Variants in ZNF600 observed in about 807,000 individuals in gnomAD.
ZNF600 encodes zinc finger protein 600.
In ZNF600, 4 loss-of-function variants were observed where a neutral mutation model predicts 7.3. The ratio of observed to expected loss-of-function variants is 0.55; its 90% CI spans 0.27 to 1.25. ZNF600 has a LOEUF of 1.25. Among genes scored for constraint, ZNF600 ranks in the 50% most tolerant of loss-of-function variants. ZNF600 has a pLI of 0.12. For synonymous variants in ZNF600, 290 were observed against 308.9 expected, an observed-to-expected ratio of 0.94 and a Z score of 0.64; for missense variants, 911 against 922.1, an observed-to-expected ratio of 0.99 and a Z score of 0.16.
intron 3 of ZNF600, among the ~76,000 whole-genome samples, chr19:52,773,132 C>T: frequency 6.6e-6 from 1 of 151,872 alleles, no homozygotes; most frequent in Non-Finnish European, 1.5e-5. Flanking sequence ...TGAGGCAAGG[C>T]CAGGAAAGGA....
chr19:52,821,278 C>G, the ZNF600 span, among the ~76,000 whole-genome samples: 1 of 152,102 alleles, frequency 6.6e-6, no homozygotes, highest in Non-Finnish European at 1.5e-5. Flanking sequence ...TGGGAATACA[C>G]CTCTAGGGTG....
chr19:52,786,759 G>T, exon 1 of ZNF600: 1 of 346,854 alleles, frequency 2.9e-6, no homozygotes, highest in Non-Finnish European at 5.9e-6. Context: ...CACTCCACGC[G>T]ATCCGCTTCC....
At chr19:52,764,836 T>C (rs1409216968) in exon 4 of ZNF600, 1 of 168,888 alleles carries the variant, frequency 5.9e-6, no homozygotes, top group Admixed American at 5.8e-5. Flanking sequence ...TTTTATAAAG[T>C]ACTATATCAA....
chr19:52,793,931 T>G, the ZNF600 span, among the ~76,000 whole-genome samples: 1 of 152,216 alleles, frequency 6.6e-6, no homozygotes, highest in Non-Finnish European at 1.5e-5. Flanking sequence ...AAAAACATGC[T>G]GTCAAGTTTG....
At chr19:52,797,596 C>T in the ZNF600 span, 1 of 152,948 alleles carries the variant, frequency 6.5e-6, no homozygotes, top group Non-Finnish European at 1.5e-5. Flanking sequence ...AAATTAAAAA[C>T]CACTTCCATT....
the ZNF600 span, among the ~76,000 whole-genome samples, chr19:52,815,779 T>C: frequency 2.7e-5 from 4 of 145,766 alleles, no homozygotes; most frequent in Non-Finnish European, 4.4e-5. Context: ...GAGCCGAGAT[T>C]GCACCACTGC....
the ZNF600 span, among the ~76,000 whole-genome samples, chr19:52,793,995 A>T: frequency 6.6e-6 from 1 of 152,154 alleles, no homozygotes; most frequent in African/African-American, 2.4e-5. Flanking sequence ...TAGGACTGCA[A>T]GGGAATGTGT....
At chr19:52,811,562 G>T in the ZNF600 span, among the ~76,000 whole-genome samples, 2 of 148,392 alleles carry the variant, frequency 1.3e-5, no homozygotes, top group African/African-American at 5.1e-5. Flanking sequence ...TGGGATGTGA[G>T]GAGCGCCTCT....
chr19:52,774,485 G>A, intron 3 of ZNF600, 90 bp downstream of exon 5: 12 of 981,822 alleles, frequency 1.2e-5, no homozygotes, highest in Non-Finnish European at 1.4e-5. Context: ...CCATGCATGG[G>A]GCAAAATCAC....
At chr19:52,831,383 C>T in the ZNF600 span, among the ~76,000 whole-genome samples, 4 of 151,336 alleles carry the variant, frequency 2.6e-5, no homozygotes, top group Admixed American at 2.6e-4. Flanking sequence ...GATCTCGGCT[C>T]ACTGCAACCC....
the ZNF600 span, among the ~76,000 whole-genome samples, chr19:52,816,784 T>G: frequency 0.038 from 5,702 of 151,434 alleles, 144 homozygotes; most frequent in Middle Eastern, 0.068. Context: ...TAAGCTGAGA[T>G]CATGCCACTG....
chr19:52,832,213 CA>C, the ZNF600 span, among the ~76,000 whole-genome samples: 1 of 151,746 alleles, frequency 6.6e-6, no homozygotes, highest in Non-Finnish European at 1.5e-5. Context: ...ACTGAACTAA[CA>C]AAAAAATAAG....
At chr19:52,767,843 T>C in intron 3 of ZNF600, 71 bp from the exon 6 acceptor site, 1 of 1,470,736 alleles carries the variant, frequency 6.8e-7, no homozygotes, top group African/African-American at 1.4e-5. Flanking sequence ...TGTGTAAATA[T>C]GACACAAAAA....
At chr19:52,820,159 G>C in the ZNF600 span, among the ~76,000 whole-genome samples, 1 of 99,602 alleles carries the variant, frequency 1.0e-5, no homozygotes, top group Non-Finnish European at 2.0e-5. Context: ...CGTCCAGGCC[G>C]GACTGCGGAC....
chr19:52,807,890 T>C, the ZNF600 span: 1 of 1,510,630 alleles, frequency 6.6e-7, no homozygotes, highest in Non-Finnish European at 9.0e-7. Flanking sequence ...TCATGAAGCT[T>C]TTCATTTCAA....
At chr19:52,794,765 G>A in the ZNF600 span, among the ~76,000 whole-genome samples, 1 of 152,090 alleles carries the variant, frequency 6.6e-6, no homozygotes, top group Admixed American at 6.6e-5. Flanking sequence ...GGACTGGGGT[G>A]GATCACTGGG....
chr19:52,827,520 A>G, the ZNF600 span, among the ~76,000 whole-genome samples: 1 of 151,932 alleles, frequency 6.6e-6, no homozygotes, highest in African/African-American at 2.4e-5. Flanking sequence ...GCCCTTCCCA[A>G]GACCATGCCC....
At chr19:52,801,162 G>T in the ZNF600 span, 1 of 1,613,956 alleles carries the variant, frequency 6.2e-7, no homozygotes, top group Non-Finnish European at 8.5e-7. Flanking sequence ...TTTTAAAAGT[G>T]AGCTACAATT....
At chr19:52,805,437 A>C in the ZNF600 span, 1 of 151,682 alleles carries the variant, frequency 6.6e-6, no homozygotes, top group South Asian at 2.1e-4. Flanking sequence ...ATCCTGGCCA[A>C]CCAACATGGT....
Sources: allele counts gnomAD v4.1 joint callset (sites outside exome capture counted in the v4.1 genomes callset), GRCh38; gene constraint gnomAD v4.1.1; transcripts MANE v1.5; gene names NCBI Gene and HGNC (gene_info 2026-07-23, HGNC 2026-07-21).